The following FXR2 variants were observed in gnomAD, a reference collection of about 807,000 sequenced individuals.
FXR2 encodes the protein FMR1 autosomal homolog 2, also known as RNA-binding protein FXR2.
In FXR2, 9 loss-of-function variants were observed where a neutral mutation model predicts 87.3. That is an observed-to-expected ratio of 0.10 (90% CI 0.06 to 0.18). FXR2 has a LOEUF of 0.18. FXR2 is among the 10% of genes least tolerant of loss of function. The probability of loss-of-function intolerance (pLI) is 1.00; values close to 1 mark genes in which losing one functional copy is unlikely to be tolerated. For missense variants in FXR2, 661 were observed against 893.6 expected, an observed-to-expected ratio of 0.74 and a Z score of 3.32; for synonymous variants, 331 against 328.3, an observed-to-expected ratio of 1.01 and a Z score of -0.09.
In FXR2 at chr17:7,592,580, T is replaced by A; in HGVS notation, c.1749A>T (p.Gln583His). The A allele has an allele frequency of 1.9e-6, 3 of 1,612,198 alleles. No homozygotes were observed. The highest frequency in any genetic ancestry group is 2.5e-6 in the Non-Finnish European group (3 of 1,179,320). Residue 583 changes from glutamine to histidine, a missense_variant, in exon 15 of 17, where the codon CAA becomes CAT. Around this residue, in one of 3 missense-constraint regions of FXR2, gnomAD observed 409 missense variants for 432.0 expected, o/e 0.95. Coordinates refer to ENST00000250113, the MANE Select transcript of FXR2 (RefSeq NM_004860.4). The surrounding 1 kb of genome is among the most constrained non-coding windows in gnomAD (Gnocchi z 4.8). ...ENGLEDESRP[Q>H]RRNRSRRRRN... ...GGCGGCGGCGGCTGCGATTACGACG[T>A]TGAGGTCTTGATTCATCTTCTGTAG...
At chr17:7,597,970 A>G (rs1567749500) in intron 7 of FXR2, among the ~76,000 whole-genome samples, 1 of 150,560 alleles carries the variant, frequency 6.6e-6, no homozygotes. Context: ...CCAAATATGT[A>G]TCTCTCAGTA....
At chr17:7,602,278 C>T (rs2071763728) in intron 6 of FXR2, among the ~76,000 whole-genome samples, 1 of 150,554 alleles carries the variant, frequency 6.6e-6, no homozygotes, top group Non-Finnish European at 1.5e-5. Context: ...AAAAATTAGC[C>T]GGGCATGTCG....
chr17:7,591,881 C>A lies in FXR2; in HGVS notation c.1971G>T (p.Gly657=), dbSNP rs955896206. Residue 657 remains glycine (G), a synonymous_variant, in exon 17 of 17, where the codon GGG becomes GGT. Coordinates refer to ENST00000250113, the MANE Select transcript of FXR2 (RefSeq NM_004860.4). This position sits in a 1 kb window ranked among gnomAD's most constrained non-coding sequence, Gnocchi z 4.0. The part of the protein sequence containing the change: ...SKLPKGPSEN[G]ELSAPLELGS... ...CCAACTCCAAGGGGGCGGAGAGCTC[C>A]CCATTCTCCGAGGGGCCCTTAGGAA... is the stretch of plus-strand genomic sequence containing the variant. 1.2e-6 allele frequency: 2 copies of A among 1,607,408 alleles called. No individual in the cohort carries two copies. The highest frequency in any genetic ancestry group is 1.7e-6 in the Non-Finnish European group (2 of 1,174,068).
At chr17:7,602,812 G>A in intron 6 of FXR2, 97 bp downstream of exon 6, 2 of 657,862 alleles carry the variant, frequency 3.0e-6, no homozygotes, top group East Asian at 2.8e-5. Flanking sequence ...ATAAATATAA[G>A]CACATTTAAG....
In FXR2 at chr17:7,594,607, G is replaced by GAT. The variant is rs1273901022; in HGVS notation, c.910+70_910+71dup. 4 of 1,008,976 alleles carry GAT rather than the reference G, an allele frequency of 4.0e-6. No homozygotes were observed. The Admixed American group carries it at 6.8e-5, about 17-fold the overall frequency. 62.5% of individuals were successfully genotyped at this position (1,008,976 alleles called of 1,614,324 possible). A position where few individuals can be genotyped will look rare whatever the true frequency, so the allele number is the denominator to read the frequency against. ...AGTCCACAGGGAGGTGCCAATCCTG[G>GAT]ATAAAAGCTCAGAATCACTGTAGAG... On this transcript the variant is annotated intron_variant, in intron 9 of 16. Transcript: ENST00000250113. The surrounding 1 kb of genome is among the most constrained non-coding windows in gnomAD (Gnocchi z 5.1).
chr17:7,601,507 C>G lies in FXR2; in HGVS notation c.562G>C (p.Val188Leu). The stretch of plus-strand genomic sequence containing the variant: ...TCACCCAGCAGAGATGCTCGCTTCA[C>G]AGGGGCTTCTGTGGTTGACTGGGAG... ...LFILSTTEAP[V>L]KRASLLGDMH... Residue 188 changes from valine to leucine, a missense_variant, in exon 7 of 17, where the codon GTG becomes CTG. This residue lies in a region of FXR2 where 170 missense variants were observed against 247.2 expected (regional missense o/e 0.69). Transcript: ENST00000250113. 6.2e-7 allele frequency: 1 copy of G among 1,610,952 alleles called. No individual in the cohort carries two copies. The highest frequency in any genetic ancestry group is 8.5e-7 in the Non-Finnish European group (1 of 1,177,454).
chr17:7,602,760 C>T (rs2071769092), intron 6 of FXR2, 149 bp downstream of exon 6: 5 of 557,576 alleles, frequency 9.0e-6, no homozygotes, highest in Non-Finnish European at 1.6e-5. Context: ...GTAGGGCTAC[C>T]TGGGCCTGTA....
intron 1 of FXR2, among the ~76,000 whole-genome samples, chr17:7,612,560 AG>A (rs1224783901): frequency 6.6e-6 from 1 of 152,194 alleles, no homozygotes; most frequent in Non-Finnish European, 1.5e-5. Flanking sequence ...GGGATTACAC[AG>A]GAATACAGAA....
rs1227449715 is a variant in FXR2, at chr17:7,594,420, T to C, written c.911-73A>G. On this transcript the variant is annotated intron_variant, in intron 9 of 16. Coordinates refer to ENST00000250113, the MANE Select transcript of FXR2 (RefSeq NM_004860.4). The surrounding 1 kb of genome is among the most constrained non-coding windows in gnomAD (Gnocchi z 5.1). Reference sequence around the variant, plus strand: ...ATAAGAATAAAGCTGATACACCGTCTTCCAGCCTCATTTTCTTTATATGGA... The same window carrying C: ...ATAAGAATAAAGCTGATACACCGTCCTCCAGCCTCATTTTCTTTATATGGA... 1 of 911,658 alleles carries C rather than the reference T, an allele frequency of 1.1e-6. No homozygotes were observed. Among genetic ancestry groups the C allele is most frequent in the Non-Finnish European group, 1.8e-6 (1 of 571,420 alleles). 56.5% of individuals were successfully genotyped at this position (911,658 alleles called of 1,614,324 possible).
chr17:7,614,607 G>A lies in FXR2; in HGVS notation c.-75C>T, dbSNP rs1387145858. The A allele has an allele frequency of 3.2e-6, 3 of 947,124 alleles. No homozygotes were observed. Among genetic ancestry groups the A allele is most frequent in the East Asian group, 3.3e-5 (1 of 29,926 alleles). The allele number at this position is 947,124 out of a possible 1,614,324, so 58.7% of individuals were successfully genotyped here. A position where few individuals can be genotyped will look rare whatever the true frequency, so the allele number is the denominator to read the frequency against. ...TGAGTGCGGGCCGGGCCAGGCCCCC[G>A]GCGTCTCCCCGGAGGAGGAGCCGGA... On this transcript the variant is annotated 5_prime_UTR_variant, in exon 1 of 17. Transcript: ENST00000250113.
chr17:7,595,755 T>C lies in FXR2; in HGVS notation c.831+69A>G. ...GAGCCACTGTGCCCAGTTTGAGGCT[T>C]ATTTTCTACTTCGGCCTCTCTTCCC... On this transcript the variant is annotated intron_variant, in intron 8 of 16. Transcript: ENST00000250113. This position sits in a 1 kb window ranked among gnomAD's most constrained non-coding sequence, Gnocchi z 4.7. 7.6e-7 allele frequency: 1 copy of C among 1,324,078 alleles called. No individual in the cohort carries two copies. The highest frequency in any genetic ancestry group is 1.1e-6 in the Non-Finnish European group (1 of 936,954). The allele number at this position is 1,324,078 out of a possible 1,614,324, so 82.0% of individuals were successfully genotyped here.
At chr17:7,612,317 C>T (rs2150949239) in intron 1 of FXR2, among the ~76,000 whole-genome samples, 1 of 152,168 alleles carries the variant, frequency 6.6e-6, no homozygotes, top group Middle Eastern at 3.4e-3. Flanking sequence ...GGGAGGGCCA[C>T]TTTAGGAAGC....
rs2071928135 is a variant in FXR2, at chr17:7,614,635, G to A, written c.-103C>T. 3 of 584,852 alleles carry A rather than the reference G, an allele frequency of 5.1e-6. No homozygotes were observed. The highest frequency in any genetic ancestry group is 5.0e-6 in the Non-Finnish European group (2 of 401,510). 36.2% of individuals were successfully genotyped at this position (584,852 alleles called of 1,614,324 possible). Reference sequence around the variant, plus strand: ...GTCTCCCCGGAGGAGGAGCCGGAGGGGGAGCCGCGGGGGGCGGGAGCCGGG... The same window carrying A: ...GTCTCCCCGGAGGAGGAGCCGGAGGAGGAGCCGCGGGGGGCGGGAGCCGGG... On this transcript the variant is annotated 5_prime_UTR_variant, in exon 1 of 17. Transcript: ENST00000250113.
At chr17:7,596,356 C>G (rs2071707870) in intron 7 of FXR2, 1 of 160,440 alleles carries the variant, frequency 6.2e-6, no homozygotes, top group South Asian at 1.6e-4. Context: ...CAAGGTTTCA[C>G]CATGTTGGCC....
At chr17:7,600,798 C>T (rs1478984821) in intron 7 of FXR2, among the ~76,000 whole-genome samples, 3 of 151,972 alleles carry the variant, frequency 2.0e-5, no homozygotes, top group Non-Finnish European at 4.4e-5. Context: ...GCGGGAGAAT[C>T]GCTTGAACCC....
chr17:7,600,274 C>T (rs894418134), intron 7 of FXR2, among the ~76,000 whole-genome samples: 3 of 151,886 alleles, frequency 2.0e-5, no homozygotes, highest in African/African-American at 7.3e-5. Context: ...TCTTGGCTCA[C>T]TGCAACCTCC....
At position 7,595,215 on chromosome 17, in the gene FXR2, G is replaced by A. The variant is rs2071698102; in HGVS notation, c.832-458C>T. Among the ~76,000 whole-genome samples the A allele has an allele frequency of 1.3e-5, 2 of 152,106 alleles. No homozygotes were observed. Among genetic ancestry groups the A allele is most frequent in the African/African-American group, 2.4e-5 (1 of 41,424 alleles). On this transcript the variant is annotated intron_variant, in intron 8 of 16. Transcript: ENST00000250113. The surrounding 1 kb of genome is among the most constrained non-coding windows in gnomAD (Gnocchi z 4.7). ...ACCCATAATCTCAACAGTTTCGGAG[G>A]CTAAGAAGGGAGGATTGCTTGAGGC...
chr17:7,614,427 G>C (rs896449474), intron 1 of FXR2, 25 bp downstream of exon 1: 9 of 1,499,944 alleles, frequency 6.0e-6, no homozygotes, highest in Non-Finnish European at 8.1e-6. Flanking sequence ...AAGGACCGGC[G>C]TCCCCAGTCG....
intron 7 of FXR2, among the ~76,000 whole-genome samples, chr17:7,597,610 T>C (rs534477954): frequency 2.0e-4 from 31 of 152,064 alleles, no homozygotes; most frequent in African/African-American, 7.2e-4. Flanking sequence ...GGTTTCACCA[T>C]GCTGGCCAGA....
Sources: gnomAD v4.1 joint callset for allele counts (sites outside exome capture counted in the v4.1 genomes callset) on GRCh38, gnomAD v4.1.1 for gene constraint, gnomAD v4.1.1 regional missense constraint, Gnocchi (gnomAD v3.1) non-coding constraint, MANE v1.5 for transcripts, NCBI Gene and HGNC (gene_info 2026-07-23, HGNC 2026-07-21) for gene names.